The following MYO15B variants were observed in gnomAD, a reference collection of about 807,000 sequenced individuals.
MYO15B encodes myosin XVB pseudogene.
In MYO15B, 207 loss-of-function variants were observed where a neutral mutation model predicts 119.3. That is an observed-to-expected ratio of 1.73 (90% CI 1.55 to 1.95). The LOEUF is 1.95. Ranked by LOEUF, MYO15B falls within the 30% of genes most tolerant of loss-of-function variation. The pLI is 0.00. For missense variants in MYO15B, 2,264 were observed against 1,203.1 expected, an observed-to-expected ratio of 1.88 and a Z score of -13.04; for synonymous variants, 966 against 498.9, an observed-to-expected ratio of 1.94 and a Z score of -12.48.
intron 52 of MYO15B, 28 bp from the exon 53 acceptor site, chr17:75,621,976 T>C: frequency 2.8e-6 from 2 of 702,748 alleles, no homozygotes; most frequent in Non-Finnish European, 5.2e-6. Flanking sequence ...GCCCCAGCTA[T>C]GTGCCCTGTT....
Position 75,612,970 on chromosome 17 carries a change from G to A in MYO15B, c.4732-4G>A, listed in dbSNP as rs1568181989. 4 of 688,418 alleles carry A rather than the reference G, an allele frequency of 5.8e-6. No homozygotes were observed. Among genetic ancestry groups the A allele is most frequent in the Non-Finnish European group, 1.1e-5 (4 of 373,892 alleles). 42.6% of individuals were successfully genotyped at this position (688,418 alleles called of 1,614,324 possible). On this transcript the variant is annotated splice_region_variant and splice_polypyrimidine_tract_variant and intron_variant, in intron 26 of 63. Transcript: ENST00000645453. Reference sequence around the variant, plus strand: ...GTCCTGTCCTTACCCGGCTGTGTCGGCAGATGCTGCGGCTCCTGGGGGACG... The same window carrying A: ...GTCCTGTCCTTACCCGGCTGTGTCGACAGATGCTGCGGCTCCTGGGGGACG...
At chr17:75,595,757 G>A (rs949717908) in intron 12 of MYO15B, among the ~76,000 whole-genome samples, 1 of 152,192 alleles carries the variant, frequency 6.6e-6, no homozygotes, top group Admixed American at 6.5e-5. Flanking sequence ...CTTCCCCCAC[G>A]TCAGGAGGAA....
intron 14 of MYO15B, among the ~76,000 whole-genome samples, chr17:75,598,021 C>T (rs1254587746): frequency 6.6e-6 from 1 of 152,012 alleles, no homozygotes; most frequent in Non-Finnish European, 1.5e-5. Context: ...AGTTGGGGGG[C>T]GTCATGAGCC....
chr17:75,610,369 T>C (rs1290620207), intron 22 of MYO15B, 110 bp downstream of exon 22: 1 of 570,422 alleles, frequency 1.8e-6, no homozygotes, highest in African/African-American at 1.9e-5. Flanking sequence ...TCGCACGGGC[T>C]GTGGCTTCAG....
chr17:75,618,771 C>G (rs2058528988), intron 43 of MYO15B, among the ~76,000 whole-genome samples: 1 of 135,224 alleles, frequency 7.4e-6, no homozygotes. Context: ...ATGGTTGTCA[C>G]TTTGCCACCT....
At chr17:75,588,422 G>A (rs2056198888) in exon 1 of MYO15B, 2 of 398,374 alleles carry the variant, frequency 5.0e-6, no homozygotes, top group African/African-American at 4.1e-5. Flanking sequence ...GAAGAGCTGG[G>A]CGGCCGCCGT....
intron 51 of MYO15B, 29 bp from the exon 52 acceptor site, chr17:75,621,472 G>A: frequency 1.4e-6 from 1 of 700,796 alleles, no homozygotes; most frequent in Middle Eastern, 2.3e-4. Flanking sequence ...CGGCCCCCCA[G>A]ACCCATGGCC....
intron 43 of MYO15B, among the ~76,000 whole-genome samples, chr17:75,618,837 C>A (rs1409815279): frequency 6.6e-6 from 1 of 152,222 alleles, no homozygotes; most frequent in Admixed American, 6.5e-5. Flanking sequence ...TAGCACCTGC[C>A]CCCTGCCCCG....
At chr17:75,626,483 G>C (rs1033573113) in exon 64 of MYO15B, 1 of 703,230 alleles carries the variant, frequency 1.4e-6, no homozygotes, top group African/African-American at 1.7e-5. Flanking sequence ...AGCATCAACT[G>C]AGAGGAGTGC....
At position 75,604,343 on chromosome 17, in the gene MYO15B, A is replaced by T. The variant is rs147008509; in HGVS notation, c.4016+1031A>T. Among the ~76,000 whole-genome samples the T allele has an allele frequency of 2.0e-4, 31 of 152,192 alleles. No individual in the cohort carries two copies. In the East Asian group the frequency reaches 5.6e-3, roughly 28 times the overall value. On this transcript the variant is annotated intron_variant, in intron 19 of 63. Coordinates refer to ENST00000645453, the Ensembl canonical transcript of MYO15B. Reference sequence around the variant, plus strand: ...ATCCCGTGACCACAGACTGTCACCCACATCCCCAGAACCTGCACGGTGCTT... The same window carrying T: ...ATCCCGTGACCACAGACTGTCACCCTCATCCCCAGAACCTGCACGGTGCTT...
chr17:75,620,354 C>G (rs1402740098), exon 48 of MYO15B: 1 of 702,934 alleles, frequency 1.4e-6, no homozygotes, highest in African/African-American at 1.7e-5. Flanking sequence ...CACCCTGGAG[C>G]CAGGTATCGC....
chr17:75,619,261 G>A (rs1287972935), intron 44 of MYO15B, 43 bp downstream of exon 44: 4 of 702,774 alleles, frequency 5.7e-6, no homozygotes, highest in Non-Finnish European at 1.0e-5. Flanking sequence ...TGAGTGCTGG[G>A]GGCCGCGCCT....
exon 32 of MYO15B, chr17:75,614,797 T>C (rs1177376165): frequency 2.8e-6 from 2 of 702,816 alleles, no homozygotes; most frequent in East Asian, 5.4e-5. Context: ...TCAGGGAGCC[T>C]GGACGGCTTC....
chr17:75,602,268 T>C, intron 15 of MYO15B: 1 of 596,970 alleles, frequency 1.7e-6, no homozygotes, highest in East Asian at 2.9e-5. Context: ...AGTCAACCTA[T>C]TGACTAGCAT....
At position 75,621,196 on chromosome 17, in the gene MYO15B, C is replaced by G; in HGVS notation, c.7871+20C>G. 1 of 677,892 alleles carries G rather than the reference C, an allele frequency of 1.5e-6. No homozygotes were observed. Among genetic ancestry groups the G allele is most frequent in the East Asian group, 2.7e-5 (1 of 37,074 alleles). The allele number at this position is 677,892 out of a possible 1,614,324, so 42.0% of individuals were successfully genotyped here. ...GGCCTTGTGAGTGCACTGGGCCAAC[C>G]CCTGTGCCTGTCTGTCCTCAGTCTT... is the stretch of plus-strand genomic sequence containing the variant. On this transcript the variant is annotated intron_variant, in intron 50 of 63. Coordinates refer to ENST00000645453, the Ensembl canonical transcript of MYO15B.
chr17:75,623,227 G>A (rs1465009477), intron 53 of MYO15B, among the ~76,000 whole-genome samples: 2 of 152,094 alleles, frequency 1.3e-5, no homozygotes, highest in Admixed American at 6.5e-5. Flanking sequence ...GGAAGGTTGA[G>A]GCAGGAGAAT....
chr17:75,611,762 C>T, intron 24 of MYO15B, 104 bp downstream of exon 24: 2 of 695,398 alleles, frequency 2.9e-6, no homozygotes, highest in Non-Finnish European at 5.3e-6. Context: ...CCAGACTCCC[C>T]TGAGCTCATC....
exon 64 of MYO15B, chr17:75,626,745 G>A: frequency 1.8e-6 from 1 of 562,218 alleles, no homozygotes; most frequent in Non-Finnish European, 3.2e-6. Context: ...TGCCCAGTCT[G>A]AGGGAGATGC....
chr17:75,614,402 CG>C, intron 30 of MYO15B, 42 bp downstream of exon 30: 1 of 692,606 alleles, frequency 1.4e-6, no homozygotes, highest in South Asian at 1.5e-5. Flanking sequence ...CTGCTCCTGC[CG>C]GGGAACCCCA....
Sources: allele counts gnomAD v4.1 joint callset (sites outside exome capture counted in the v4.1 genomes callset), GRCh38; gene constraint gnomAD v4.1.1; transcripts MANE v1.5; gene names NCBI Gene and HGNC (gene_info 2026-07-23, HGNC 2026-07-21).